The following DRC8 variants were observed in gnomAD, a reference collection of about 807,000 sequenced individuals.
DRC8 encodes the protein dynein regulatory complex subunit 8.
chr1:245,038,643 G>A, the DRC8 span, among the ~76,000 whole-genome samples: 18 of 146,560 alleles, frequency 1.2e-4, no homozygotes, highest in African/African-American at 4.2e-4. Flanking sequence ...TGATGTGTGA[G>A]GAAAACATAG....
the DRC8 span, among the ~76,000 whole-genome samples, chr1:245,043,512 T>A: frequency 6.6e-6 from 1 of 152,176 alleles, no homozygotes; most frequent in Non-Finnish European, 1.5e-5. Context: ...GAACAGTTGA[T>A]TTTCACTTTC....
the DRC8 span, chr1:244,970,476 C>A: frequency 3.9e-6 from 6 of 1,522,836 alleles, no homozygotes; most frequent in South Asian, 7.2e-5. Context: ...CCGCTGCCCT[C>A]GCCGCCCGCC....
chr1:245,024,457 A>T, the DRC8 span, among the ~76,000 whole-genome samples: 1 of 152,150 alleles, frequency 6.6e-6, no homozygotes, highest in African/African-American at 2.4e-5. Context: ...TTCTGAAACA[A>T]GCTTTAATTA....
chr1:244,992,046 A>G, the DRC8 span, among the ~76,000 whole-genome samples: 5 of 152,240 alleles, frequency 3.3e-5, no homozygotes, highest in Non-Finnish European at 7.3e-5. Flanking sequence ...CTTTCTTCTA[A>G]CTAGCAAACG....
the DRC8 span, among the ~76,000 whole-genome samples, chr1:245,094,061 G>A: frequency 6.6e-6 from 1 of 152,254 alleles, no homozygotes; most frequent in South Asian, 2.1e-4. Context: ...CTGTCTTGCT[G>A]GCTGGTAACC....
At chr1:245,066,733 C>G in the DRC8 span, among the ~76,000 whole-genome samples, 1 of 152,034 alleles carries the variant, frequency 6.6e-6, no homozygotes, top group South Asian at 2.1e-4. Flanking sequence ...TGGTGAAACC[C>G]CATCTCTACT....
chr1:245,111,369 A>G, the DRC8 span, among the ~76,000 whole-genome samples: 11 of 152,202 alleles, frequency 7.2e-5, no homozygotes, highest in Non-Finnish European at 1.3e-4. Context: ...TAGTTGTAAA[A>G]GGAAAGTATG....
the DRC8 span, among the ~76,000 whole-genome samples, chr1:244,974,790 G>A: frequency 6.6e-6 from 1 of 152,100 alleles, no homozygotes; most frequent in Non-Finnish European, 1.5e-5. Flanking sequence ...GACCTCCTGG[G>A]CTCAAGCGAT....
At chr1:245,109,085 T>G in the DRC8 span, among the ~76,000 whole-genome samples, 3 of 152,146 alleles carry the variant, frequency 2.0e-5, no homozygotes, top group African/African-American at 7.2e-5. Context: ...CCTCTGCACG[T>G]AACTGGAGCT....
At chr1:245,005,786 A>T in the DRC8 span, among the ~76,000 whole-genome samples, 2 of 152,242 alleles carry the variant, frequency 1.3e-5, no homozygotes, top group Non-Finnish European at 2.9e-5. Context: ...TGTATGCTAC[A>T]TGATTACATA....
chr1:245,058,779 G>T, the DRC8 span, among the ~76,000 whole-genome samples: 1 of 152,172 alleles, frequency 6.6e-6, no homozygotes, highest in African/African-American at 2.4e-5. Flanking sequence ...TTATTGAGTC[G>T]CTGCTCTGCC....
the DRC8 span, among the ~76,000 whole-genome samples, chr1:244,997,089 G>T: frequency 1.3e-5 from 2 of 152,164 alleles, no homozygotes; most frequent in South Asian, 4.1e-4. Flanking sequence ...AAGGAAAAAA[G>T]ACTGTACATG....
chr1:245,004,486 T>G, the DRC8 span, among the ~76,000 whole-genome samples: 1 of 151,742 alleles, frequency 6.6e-6, no homozygotes, highest in East Asian at 1.9e-4. Flanking sequence ...CAAGTGATCT[T>G]CCCACCTCAG....
the DRC8 span, among the ~76,000 whole-genome samples, chr1:245,100,630 A>G: frequency 6.6e-6 from 1 of 150,962 alleles, no homozygotes; most frequent in African/African-American, 2.4e-5. Context: ...AAAATACAAA[A>G]ATTAGCCAGG....
At chr1:245,067,096 T>C in the DRC8 span, among the ~76,000 whole-genome samples, 1 of 152,252 alleles carries the variant, frequency 6.6e-6, no homozygotes, top group South Asian at 2.1e-4. Flanking sequence ...CCTTGTCATT[T>C]CTCCATGAAT....
chr1:245,014,246 C>T, the DRC8 span, among the ~76,000 whole-genome samples: 1 of 151,892 alleles, frequency 6.6e-6, no homozygotes, highest in South Asian at 2.1e-4. Flanking sequence ...GCAGTAACTT[C>T]GACATAGGGT....
At chr1:245,052,299 G>A in the DRC8 span, among the ~76,000 whole-genome samples, 1 of 152,190 alleles carries the variant, frequency 6.6e-6, no homozygotes, top group African/African-American at 2.4e-5. Context: ...AGTGAAAATT[G>A]AGATGTTCAG....
the DRC8 span, among the ~76,000 whole-genome samples, chr1:244,973,980 T>G: frequency 2.6e-5 from 4 of 152,222 alleles, no homozygotes; most frequent in Non-Finnish European, 1.5e-5. Flanking sequence ...TTTCATAGAT[T>G]AAAAATTATA....
the DRC8 span, chr1:244,969,729 C>A: frequency 2.3e-4 from 44 of 195,482 alleles, 2 homozygotes; most frequent in East Asian, 5.8e-3. Flanking sequence ...TCCTCTTGCG[C>A]CCGGCCCAGT....
Sources: gnomAD v4.1 joint callset for allele counts (sites outside exome capture counted in the v4.1 genomes callset) on GRCh38, gnomAD v4.1.1 for gene constraint, MANE v1.5 for transcripts, NCBI Gene and HGNC (gene_info 2026-07-23, HGNC 2026-07-21) for gene names.